CCDC73: variants seen among roughly 807,000 people sequenced by gnomAD.
CCDC73 encodes coiled-coil domain containing 73.
A neutral mutation model predicts 116.5 loss-of-function variants in CCDC73; 95 were observed. The ratio of observed to expected loss-of-function variants is 0.82; its 90% CI spans 0.69 to 0.97. The LOEUF (loss-of-function observed/expected upper bound fraction) is 0.97. Among genes scored for constraint, CCDC73 ranks in the 50% least tolerant of loss-of-function variants. The pLI is 0.00. For synonymous variants in CCDC73, 398 were observed against 401.3 expected (o/e 0.99, Z 0.10); for missense variants, 1,066 against 1,206.8 (o/e 0.88, Z 1.73).
chr11:32,752,013 C>T (rs1490651931), intron 2 of CCDC73, among the ~76,000 whole-genome samples: 2 of 152,182 alleles, frequency 1.3e-5, no homozygotes, highest in African/African-American at 4.8e-5. Context: ...GCTGAAATGA[C>T]AGTGACTTCC....
Position 32,718,197 on chromosome 11 carries a change from C to A in CCDC73, c.136-50G>T, listed in dbSNP as rs115662670. 1.5e-3 allele frequency: 1,885 copies of A among 1,271,486 alleles called. 29 individuals carry two copies. The African/African-American group carries it at 0.026, about 17-fold the overall frequency. The allele number at this position is 1,271,486 out of a possible 1,614,324, so 78.8% of individuals were successfully genotyped here. Reference sequence around the variant, plus strand: ...TGCTATAAAAATAAAGACTTTAAAACTTCCAGTTTCAGCTCTTTCTGGAGA... The same window carrying A: ...TGCTATAAAAATAAAGACTTTAAAAATTCCAGTTTCAGCTCTTTCTGGAGA... On this transcript the variant is annotated intron_variant, in intron 2 of 17. Transcript: ENST00000335185.
chr11:32,771,653 T>C (rs1360673657), intron 1 of CCDC73, among the ~76,000 whole-genome samples: 2 of 152,210 alleles, frequency 1.3e-5, no homozygotes, highest in Admixed American at 1.3e-4. Context: ...TTCAAACCGA[T>C]GGACTTTGAG....
At chr11:32,796,469 T>C (rs1017443604), upstream of CCDC73, among the ~76,000 whole-genome samples, 12 of 152,338 alleles carry the variant, frequency 7.9e-5, no homozygotes, top group Admixed American at 3.3e-4. Flanking sequence ...ACAACAATCC[T>C]ATTACTATGC....
At chr11:32,688,082 G>A (rs894546901) in intron 6 of CCDC73, among the ~76,000 whole-genome samples, 1 of 152,122 alleles carries the variant, frequency 6.6e-6, no homozygotes, top group African/African-American at 2.4e-5. Flanking sequence ...GGTGAGAAAT[G>A]ACATATTTAC....
intron 2 of CCDC73, among the ~76,000 whole-genome samples, chr11:32,743,030 C>G (rs1431261912): frequency 6.6e-6 from 1 of 152,144 alleles, no homozygotes; most frequent in African/African-American, 2.4e-5. Context: ...TGTTTTGGTA[C>G]CAGTACCATG....
chr11:32,658,023 TA>T (rs11309519), intron 9 of CCDC73, among the ~76,000 whole-genome samples: 58,039 of 132,720 alleles, frequency 0.44, 12,955 homozygotes, highest in African/African-American at 0.51. Flanking sequence ...CTAGTCTCTT[TA>T]AAAAAAAAAA....
chr11:32,681,827 CA>C (rs1257103846), intron 7 of CCDC73: 4 of 151,636 alleles, frequency 2.6e-5, no homozygotes, highest in African/African-American at 9.7e-5. Flanking sequence ...AATAATGTAA[CA>C]GGAATAATGT....
intron 2 of CCDC73, among the ~76,000 whole-genome samples, chr11:32,726,324 C>T (rs1850029353): frequency 6.6e-6 from 1 of 151,960 alleles, no homozygotes; most frequent in African/African-American, 2.4e-5. Flanking sequence ...AAATATAAAA[C>T]AAAATGAATT....
At chr11:32,825,010 A>C in the CCDC73 span, among the ~76,000 whole-genome samples, 1 of 152,204 alleles carries the variant, frequency 6.6e-6, no homozygotes, top group Non-Finnish European at 1.5e-5. Flanking sequence ...GCTGGAGCCC[A>C]GGAGGTTGAG....
chr11:32,738,071 T>TA (rs2133353705), intron 2 of CCDC73, among the ~76,000 whole-genome samples: 1 of 152,344 alleles, frequency 6.6e-6, no homozygotes, highest in South Asian at 2.1e-4. Flanking sequence ...ACACTGTGTA[T>TA]ATGTACCACA....
chr11:32,671,433 C>G (rs1856037230), intron 9 of CCDC73, among the ~76,000 whole-genome samples: 1 of 147,484 alleles, frequency 6.8e-6, no homozygotes, highest in South Asian at 2.1e-4. Context: ...TCCATCTTAT[C>G]ACAAACCAAT....
At chr11:32,782,690 C>T (rs1253307677) in intron 1 of CCDC73, among the ~76,000 whole-genome samples, 1 of 152,088 alleles carries the variant, frequency 6.6e-6, no homozygotes, top group African/African-American at 2.4e-5. Flanking sequence ...ATATTACTAA[C>T]ACTCTTTTAA....
intron 1 of CCDC73, among the ~76,000 whole-genome samples, chr11:32,785,328 C>G (rs1850618641): frequency 6.6e-6 from 1 of 152,168 alleles, no homozygotes; most frequent in Non-Finnish European, 1.5e-5. Context: ...CAGTGGCTCA[C>G]TGTCAAAAAA....
intron 16 of CCDC73, among the ~76,000 whole-genome samples, chr11:32,612,680 T>A (rs2133219054): frequency 6.6e-6 from 1 of 152,034 alleles, no homozygotes; most frequent in East Asian, 1.9e-4. Context: ...AAAGTTGCAG[T>A]GAGCTATGAT....
At chr11:32,732,038 G>C (rs1850083657) in intron 2 of CCDC73, among the ~76,000 whole-genome samples, 1 of 152,238 alleles carries the variant, frequency 6.6e-6, no homozygotes, top group East Asian at 1.9e-4. Flanking sequence ...TGGACGAATG[G>C]CTAACTACAA....
intron 1 of CCDC73, among the ~76,000 whole-genome samples, chr11:32,768,431 CTGCACGTTG>C (rs1850463049): frequency 6.6e-6 from 1 of 152,010 alleles, no homozygotes; most frequent in Non-Finnish European, 1.5e-5. Context: ...TGTAACAAAC[CTGCACGTTG>C]TGCACATGCA....
the CCDC73 span, among the ~76,000 whole-genome samples, chr11:32,800,833 A>G: frequency 2.0e-5 from 3 of 152,246 alleles, no homozygotes; most frequent in African/African-American, 7.2e-5. Context: ...CATTTAATAA[A>G]ATGGAGGAGG....
In CCDC73 at chr11:32,695,812, G is replaced by C. The variant is rs886298510; in HGVS notation, c.390+3439C>G. ...AAAAAGACCCTGGGCTGAAGTAAGC[G>C]TTTAAGTTTTTTTTTTGTTTTTGTT... is the stretch of plus-strand genomic sequence containing the variant. On this transcript the variant is annotated intron_variant, in intron 6 of 17. Coordinates refer to ENST00000335185, the MANE Select transcript of CCDC73 (RefSeq NM_001008391.4). Among the ~76,000 whole-genome samples, 5 of 144,208 alleles carry C rather than the reference G, an allele frequency of 3.5e-5. No homozygotes were observed. The South Asian group carries it at 6.8e-4, about 20-fold the overall frequency. 94.6% of individuals were successfully genotyped at this position (144,208 alleles called of 152,430 possible). A position where few individuals can be genotyped will look rare whatever the true frequency, so the allele number is the denominator to read the frequency against.
the CCDC73 span, among the ~76,000 whole-genome samples, chr11:32,816,137 C>T: frequency 6.6e-6 from 1 of 152,082 alleles, no homozygotes; most frequent in African/African-American, 2.4e-5. Context: ...AGGTTTAATG[C>T]GGTAAGTTCC....
Sources: allele counts gnomAD v4.1 joint callset (sites outside exome capture counted in the v4.1 genomes callset), GRCh38; gene constraint gnomAD v4.1.1; transcripts MANE v1.5; gene names NCBI Gene and HGNC (gene_info 2026-07-23, HGNC 2026-07-21).